ZNF839: variants seen among roughly 807,000 people sequenced by gnomAD.
ZNF839 encodes zinc finger protein 839.
In ZNF839, 38 loss-of-function variants were observed where a neutral mutation model predicts 56.4. The ratio of observed to expected loss-of-function variants is 0.67; its 90% CI spans 0.52 to 0.88. ZNF839 has a LOEUF of 0.88. Ranked by LOEUF, ZNF839 falls within the 40% of genes least tolerant of loss-of-function variation. The probability of loss-of-function intolerance (pLI) is 0.00; values close to 1 mark genes in which losing one functional copy is unlikely to be tolerated. For synonymous variants in ZNF839, 486 were observed against 493.5 expected (o/e 0.98, Z 0.20); for missense variants, 1,091 against 1,177.6 (o/e 0.93, Z 1.08).
intron 1 of ZNF839, among the ~76,000 whole-genome samples, chr14:102,324,120 A>T (rs1354139324): frequency 6.6e-6 from 1 of 152,246 alleles, no homozygotes; most frequent in Non-Finnish European, 1.5e-5. Context: ...GTTGTGCAGT[A>T]GGAAGCTGGG....
chr14:102,319,248 A>T (rs531883081), upstream of ZNF839: 4 of 152,192 alleles, frequency 2.6e-5, no homozygotes, highest in Non-Finnish European at 5.9e-5. This position sits in a 1 kb window ranked among gnomAD's most constrained non-coding sequence, Gnocchi z 4.5. Flanking sequence ...GGTGCACCCA[A>T]TCTGGGTGGG....
At chr14:102,339,609 G>A (rs1392980426) in intron 7 of ZNF839, among the ~76,000 whole-genome samples, 2 of 152,162 alleles carry the variant, frequency 1.3e-5, no homozygotes, top group Non-Finnish European at 2.9e-5. Flanking sequence ...CTAGCTGGGT[G>A]TGGTGGCGTG....
At chr14:102,319,711 A>G, upstream of ZNF839, 1 of 1,222,988 alleles carries the variant, frequency 8.2e-7, no homozygotes, top group Non-Finnish European at 1.0e-6. This position sits in a 1 kb window ranked among gnomAD's most constrained non-coding sequence, Gnocchi z 4.5. Context: ...TAGGTGACGT[A>G]CATTGGAGAC....
intron 5 of ZNF839, 147 bp from the exon 6 acceptor site, chr14:102,338,669 T>C (rs758199513): frequency 7.4e-6 from 8 of 1,082,364 alleles, no homozygotes; most frequent in African/African-American, 3.2e-5. Flanking sequence ...ATCTTCATCT[T>C]TCTCATTGTT....
At chr14:102,328,082 C>T (rs2073515111) in intron 2 of ZNF839, among the ~76,000 whole-genome samples, 1 of 151,684 alleles carries the variant, frequency 6.6e-6, no homozygotes, top group Non-Finnish European at 1.5e-5. Context: ...GAGCCGGGTG[C>T]AGTGGCTCAC....
At chr14:102,336,211 A>G (rs1454039444) in intron 5 of ZNF839, among the ~76,000 whole-genome samples, 5 of 151,644 alleles carry the variant, frequency 3.3e-5, no homozygotes, top group African/African-American at 9.7e-5. Context: ...AAAAAACTCC[A>G]TGTATGAAGG....
At chr14:102,320,283 G>A (rs1364181557) in intron 1 of ZNF839, among the ~76,000 whole-genome samples, 1 of 152,226 alleles carries the variant, frequency 6.6e-6, no homozygotes, top group Non-Finnish European at 1.5e-5. Flanking sequence ...CCCTGTGCCT[G>A]GAACGCCCTC....
chr14:102,317,712 G>C (rs1179492582), upstream of ZNF839: 2 of 152,212 alleles, frequency 1.3e-5, no homozygotes, highest in African/African-American at 2.4e-5. Context: ...CCAGCCACTA[G>C]ATGACTGCCA....
intron 1 of ZNF839, among the ~76,000 whole-genome samples, chr14:102,325,356 AATG>A (rs996750634): frequency 6.6e-6 from 1 of 151,936 alleles, no homozygotes; most frequent in East Asian, 1.9e-4. Flanking sequence ...AAAAAAAAAA[AATG>A]ATGTAGAATA....
Position 102,326,381 on chromosome 14 carries a change from A to G in ZNF839, c.685A>G (p.Ile229Val). 8 of 1,611,838 alleles carry G rather than the reference A, an allele frequency of 5.0e-6. No individual in the cohort carries two copies. Among genetic ancestry groups the G allele is most frequent in the Non-Finnish European group, 6.8e-6 (8 of 1,178,766 alleles). The change falls in exon 2 of 8, where the codon ATT (isoleucine) becomes GTT (valine). Residue 229 changes from isoleucine to valine, a missense_variant. Transcript: ENST00000442396. This position sits in a 1 kb window ranked among gnomAD's most constrained non-coding sequence, Gnocchi z 4.3. ...SLSSSSAHPF[I>V]SNLHTRHTEK... ...TTCATCCAGTTCAGCACATCCATTT[A>G]TTTCCAACTTGCATACAAGACATAC... is the stretch of plus-strand genomic sequence containing the variant.
chr14:102,336,363 C>T (rs890303235), intron 5 of ZNF839, among the ~76,000 whole-genome samples: 1 of 151,936 alleles, frequency 6.6e-6, no homozygotes, highest in African/African-American at 2.4e-5. Flanking sequence ...GGTGTGATCT[C>T]AGCTCACTGT....
At position 102,332,417 on chromosome 14, in the gene ZNF839, G is replaced by T. The variant is rs2073830453; in HGVS notation, c.1416+571G>T. Among the ~76,000 whole-genome samples, 1 of 152,044 alleles carries T rather than the reference G, an allele frequency of 6.6e-6. No homozygotes were observed. Among genetic ancestry groups the T allele is most frequent in the African/African-American group, 2.4e-5 (1 of 41,428 alleles). ...CAAAGTGTTGGGATTACAGGCATGA[G>T]CCACCATGCCCGGCCTTCAGAACCA... On this transcript the variant is annotated intron_variant, in intron 3 of 7. Transcript: ENST00000442396. The surrounding 1 kb of genome is among the most constrained non-coding windows in gnomAD (Gnocchi z 4.9).
chr14:102,341,508 G>A lies in ZNF839; in HGVS notation c.2113G>A (p.Val705Ile). The change falls in exon 8 of 8, where the codon GTT (valine) becomes ATT (isoleucine). Residue 705 changes from valine to isoleucine, a missense_variant. Around this residue, in one of 3 missense-constraint regions of ZNF839, gnomAD observed 431 missense variants for 468.0 expected, o/e 0.92. Coordinates refer to ENST00000442396, the MANE Select transcript of ZNF839 (RefSeq NM_018335.6). ...LSSRDVSGLP[V>I]YAQSGEPRRL... ...ATCCCGGGATGTCAGTGGGCTGCCT[G>A]TTTATGCTCAGTCAGGAGAGCCTAG... 1 of 1,602,870 alleles carries A rather than the reference G, an allele frequency of 6.2e-7. No homozygotes were observed. Among genetic ancestry groups the A allele is most frequent in the Non-Finnish European group, 8.5e-7 (1 of 1,173,430 alleles).
chr14:102,330,374 A>T (rs969249315), intron 2 of ZNF839, among the ~76,000 whole-genome samples: 2 of 151,328 alleles, frequency 1.3e-5, no homozygotes, highest in Non-Finnish European at 2.9e-5. Context: ...CTGAGATTAC[A>T]GGCATCTGCC....
At chr14:102,328,375 A>AAAAAAAATAT (rs1197718891) in intron 2 of ZNF839, among the ~76,000 whole-genome samples, 5 of 16,346 alleles carry the variant, frequency 3.1e-4, no homozygotes, top group East Asian at 1.9e-3. Context: ...AAAAAAAAAA[A>AAAAAAAATAT]ATATATATAT....
At chr14:102,325,878 T>C in intron 1 of ZNF839, 107 bp from the exon 2 acceptor site, 1 of 1,296,602 alleles carries the variant, frequency 7.7e-7, no homozygotes, top group South Asian at 1.4e-5. Context: ...ATATGTAAGA[T>C]GTAATTTAGA....
At chr14:102,331,357 T>C (rs938682272) in intron 2 of ZNF839, among the ~76,000 whole-genome samples, 3 of 152,210 alleles carry the variant, frequency 2.0e-5, no homozygotes, top group Non-Finnish European at 2.9e-5. Context: ...CAGGTGATTC[T>C]CCTGCTTCAA....
At chr14:102,329,163 G>A (rs1319901315) in intron 2 of ZNF839, among the ~76,000 whole-genome samples, 12 of 151,880 alleles carry the variant, frequency 7.9e-5, no homozygotes, top group Admixed American at 7.2e-4. Flanking sequence ...TAGAGATGGG[G>A]TTTCACCATG....
In ZNF839 at chr14:102,341,480, C is replaced by T; in HGVS notation, c.2085C>T (p.Leu695=). Residue 695 remains leucine, a synonymous_variant, in exon 8 of 8, where the codon CTC becomes CTT. Coordinates refer to ENST00000442396, the MANE Select transcript of ZNF839 (RefSeq NM_018335.6). Reference sequence around the variant, plus strand: ...GGAGGGGGTCTATAGGTGCTGCTCTCTCATCCCGGGATGTCAGTGGGCTGC... The same window carrying T: ...GGAGGGGGTCTATAGGTGCTGCTCTTTCATCCCGGGATGTCAGTGGGCTGC... The part of the protein sequence containing the change: ...EARRGSIGAA[L]SSRDVSGLPV... 1 of 1,597,790 alleles carries T rather than the reference C, an allele frequency of 6.3e-7. No individual in the cohort carries two copies.
Sources: allele counts gnomAD v4.1 joint callset (sites outside exome capture counted in the v4.1 genomes callset), GRCh38; gene constraint gnomAD v4.1.1; regional missense constraint gnomAD v4.1.1; non-coding constraint Gnocchi (gnomAD v3.1); transcripts MANE v1.5; gene names NCBI Gene and HGNC (gene_info 2026-07-23, HGNC 2026-07-21).